AVL9: variants seen among roughly 807,000 people sequenced by gnomAD.
AVL9 encodes AVL9 cell migration associated.
A neutral mutation model predicts 79.2 loss-of-function variants in AVL9; 49 were observed. That is an observed-to-expected ratio of 0.62 (90% CI 0.49 to 0.79). The LOEUF (loss-of-function observed/expected upper bound fraction) is 0.79, where lower values mean the gene tolerates loss of function less well. Among genes scored for constraint, AVL9 ranks in the 30% least tolerant of loss-of-function variants. AVL9 has a pLI of 0.00. For missense variants in AVL9, 682 were observed against 776.8 expected, an observed-to-expected ratio of 0.88 and a Z score of 1.45; for synonymous variants, 299 against 280.6, an observed-to-expected ratio of 1.07 and a Z score of -0.65.
intron 4 of AVL9, among the ~76,000 whole-genome samples, chr7:32,550,425 G>A (rs1271171705): frequency 3.3e-5 from 5 of 152,170 alleles, no homozygotes; most frequent in African/African-American, 1.2e-4. Flanking sequence ...TGGGAAGAGG[G>A]TAGCTTACTC....
At chr7:32,566,610 G>A (rs1364978939) in intron 10 of AVL9, among the ~76,000 whole-genome samples, 1 of 151,996 alleles carries the variant, frequency 6.6e-6, no homozygotes, top group African/African-American at 2.4e-5. Flanking sequence ...CAGGTGCGGT[G>A]GCTCACACCT....
chr7:32,573,287 T>A lies in AVL9; in HGVS notation c.1439T>A (p.Leu480Gln). The A allele has an allele frequency of 6.2e-7, 1 of 1,613,752 alleles. No individual in the cohort carries two copies. Among genetic ancestry groups the A allele is most frequent in the East Asian group, 2.2e-5 (1 of 44,874 alleles). ...TTADLRFADY[L>Q]VRHVTENRDD... ...GCAGACCTAAGGTTCGCAGACTACC[T>A]AGTGAGGCACGTGACTGAGAATCGG... Residue 480 changes from leucine to glutamine, a missense_variant, in exon 12 of 16, where the codon CTA (leucine) becomes CAA (glutamine). By Grantham distance (113) the Leu-to-Gln change is moderately radical. Coordinates refer to ENST00000318709, the MANE Select transcript of AVL9 (RefSeq NM_015060.3).
At chr7:32,521,188 G>T (rs191830895) in intron 1 of AVL9, among the ~76,000 whole-genome samples, 2 of 152,268 alleles carry the variant, frequency 1.3e-5, no homozygotes, top group East Asian at 3.9e-4. Context: ...GTAGAGTGGG[G>T]CACTGCTGAA....
Position 32,583,923 on chromosome 7 carries a change from C to T in AVL9, c.*16C>T, listed in dbSNP as rs1583618851. On this transcript the variant is annotated 3_prime_UTR_variant, in exon 16 of 16. Coordinates refer to ENST00000318709, the MANE Select transcript of AVL9 (RefSeq NM_015060.3). ...GAAGCCTTGAGCAAGGCGTCAGAGG[C>T]TGCTATTGCTTTCTGAGGTTTAAGT... 1 of 1,577,814 alleles carries T rather than the reference C, an allele frequency of 6.3e-7. No individual in the cohort carries two copies. The highest frequency in any genetic ancestry group is 1.3e-5 in the African/African-American group (1 of 74,160).
chr7:32,578,013 C>T (rs780217484), intron 13 of AVL9, among the ~76,000 whole-genome samples: 1 of 152,040 alleles, frequency 6.6e-6, no homozygotes, highest in Non-Finnish European at 1.5e-5. Flanking sequence ...TACCCAAGCT[C>T]GTGTACCCAA....
At chr7:32,537,153 G>C (rs1421854702) in intron 1 of AVL9, 1 of 152,124 alleles carries the variant, frequency 6.6e-6, no homozygotes, top group African/African-American at 2.4e-5. Flanking sequence ...CCGGTGATCA[G>C]CCTCTGTCAT....
chr7:32,550,045 A>G (rs1789740420), intron 4 of AVL9, among the ~76,000 whole-genome samples: 1 of 152,202 alleles, frequency 6.6e-6, no homozygotes. Flanking sequence ...AGCCTGAAAA[A>G]TATACATGAG....
In AVL9 at chr7:32,528,520, C is replaced by T. The variant is rs115762324; in HGVS notation, c.94-14621C>T. On this transcript the variant is annotated intron_variant, in intron 1 of 15. Transcript: ENST00000318709. ...AAACCTGTCTGAAGTACTGTAGCCC[C>T]TTGATGGGGTACAGGCCCTCTTCAC... Among the ~76,000 whole-genome samples the T allele has an allele frequency of 6.9e-3, 1,047 of 152,270 alleles. 13 individuals are homozygous for T. Among genetic ancestry groups the T allele is most frequent in the African/African-American group, 0.024 (992 of 41,554 alleles).
chr7:32,559,584 T>C (rs1247884546), intron 10 of AVL9, 120 bp downstream of exon 10: 4 of 911,000 alleles, frequency 4.4e-6, no homozygotes, highest in Non-Finnish European at 5.9e-6. Flanking sequence ...TTGAAAACTG[T>C]AAAGTACAAC....
chr7:32,554,511 G>T, intron 7 of AVL9, 47 bp from the exon 8 acceptor site: 3 of 1,162,414 alleles, frequency 2.6e-6, no homozygotes, highest in Non-Finnish European at 3.7e-6. Flanking sequence ...ATGAATTATA[G>T]GCGTGAGTCT....
At chr7:32,568,204 TA>T (rs1388509262) in intron 10 of AVL9, among the ~76,000 whole-genome samples, 2 of 129,036 alleles carry the variant, frequency 1.5e-5, no homozygotes, top group Admixed American at 1.5e-4. Context: ...TTTATTTATT[TA>T]TTTTTTTTTT....
At chr7:32,542,253 G>A (rs752169117) in intron 1 of AVL9, among the ~76,000 whole-genome samples, 25 of 148,108 alleles carry the variant, frequency 1.7e-4, no homozygotes, top group Non-Finnish European at 3.1e-4. Context: ...AAATAATCAC[G>A]AATTGGCCGG....
chr7:32,495,559 G>C lies in AVL9; in HGVS notation c.-151G>C. 1 of 435,048 alleles carries C rather than the reference G, an allele frequency of 2.3e-6. No individual in the cohort carries two copies. Among genetic ancestry groups the C allele is most frequent in the Non-Finnish European group, 4.0e-6 (1 of 250,968 alleles). 26.9% of individuals were successfully genotyped at this position (435,048 alleles called of 1,614,324 possible). A position where few individuals can be genotyped will look rare whatever the true frequency, so the allele number is the denominator to read the frequency against. On this transcript the variant is annotated 5_prime_UTR_variant, in exon 1 of 16. Coordinates refer to ENST00000318709, the MANE Select transcript of AVL9 (RefSeq NM_015060.3). ...GCGGCCGTGGCCCTGGGGGCGGCGG[G>C]AGCTGCTTTGCCTCCACCGATCTCC...
intron 10 of AVL9, among the ~76,000 whole-genome samples, chr7:32,567,446 T>C (rs1412932485): frequency 6.6e-6 from 1 of 152,170 alleles, no homozygotes; most frequent in Non-Finnish European, 1.5e-5. Flanking sequence ...TTTTAAATAA[T>C]TGTATAAATA....
Position 32,586,382 on chromosome 7 carries a change from A to C in AVL9, c.*2475A>C, listed in dbSNP as rs1791778389. 1 of 151,976 alleles carries C rather than the reference A, an allele frequency of 6.6e-6. No homozygotes were observed. Among genetic ancestry groups the C allele is most frequent in the African/African-American group, 2.4e-5 (1 of 41,338 alleles). The allele number at this position is 151,976 out of a possible 1,614,324, so 9.4% of individuals were successfully genotyped here. A position where few individuals can be genotyped will look rare whatever the true frequency, so the allele number is the denominator to read the frequency against. The stretch of plus-strand genomic sequence containing the variant: ...TGGGAGGTGGAGTTTTTCAAGGAAC[A>C]CTGGCTGTTGTATTGTTGGCAGGGG... On this transcript the variant is annotated 3_prime_UTR_variant, in exon 16 of 16. Coordinates refer to ENST00000318709, the MANE Select transcript of AVL9 (RefSeq NM_015060.3).
intron 1 of AVL9, among the ~76,000 whole-genome samples, chr7:32,503,406 A>ACACACACACACACACACACAC (rs1424274246): frequency 2.8e-4 from 41 of 145,768 alleles, no homozygotes; most frequent in Non-Finnish European, 4.7e-4. Context: ...ACACACACAC[A>ACACACACACACACACACACAC]AATTAGCCGG....
intron 11 of AVL9, among the ~76,000 whole-genome samples, chr7:32,570,848 T>C (rs1790805519): frequency 6.8e-6 from 1 of 147,738 alleles, no homozygotes; most frequent in South Asian, 2.2e-4. Context: ...CTCGAACTCC[T>C]GACCTCAGGT....
At chr7:32,572,410 T>C (rs1790893866) in intron 11 of AVL9, among the ~76,000 whole-genome samples, 1 of 150,834 alleles carries the variant, frequency 6.6e-6, no homozygotes, top group Non-Finnish European at 1.5e-5. Context: ...CTGTAGTTGG[T>C]TGGTGGGTTC....
intron 13 of AVL9, 25 bp from the exon 14 acceptor site, chr7:32,580,194 G>A: frequency 6.3e-7 from 1 of 1,597,070 alleles, no homozygotes; most frequent in Non-Finnish European, 8.6e-7. Flanking sequence ...AATACTGATA[G>A]TTTAAACTCA....
Sources: gnomAD v4.1 joint callset for allele counts (sites outside exome capture counted in the v4.1 genomes callset) on GRCh38, gnomAD v4.1.1 for gene constraint, MANE v1.5 for transcripts, NCBI Gene and HGNC (gene_info 2026-07-23, HGNC 2026-07-21) for gene names.